The following SOCS2 variants were observed in gnomAD, a reference collection of about 807,000 sequenced individuals.
The protein encoded by SOCS2 is suppressor of cytokine signaling 2.
SOCS2 carries 10 observed loss-of-function variants against 18.6 expected under a neutral mutation model. The observed-to-expected ratio is 0.54, with a 90% CI of 0.33 to 0.91. The LOEUF is 0.91. Among genes scored for constraint, SOCS2 ranks in the 40% least tolerant of loss-of-function variants. The pLI, the probability that SOCS2 is intolerant of heterozygous loss-of-function variation, is 0.02. For synonymous variants in SOCS2, 104 were observed against 104.0 expected (o/e 1.00, Z 0.00); for missense variants, 231 against 247.2 (o/e 0.93, Z 0.44).
downstream of SOCS2, among the ~76,000 whole-genome samples, chr12:93,586,420 A>C (rs994122639): frequency 2.0e-5 from 3 of 152,228 alleles, no homozygotes; most frequent in African/African-American, 7.2e-5. Flanking sequence ...TTGTGTGATA[A>C]ATTGGGTACC....
downstream of SOCS2, among the ~76,000 whole-genome samples, chr12:93,577,658 A>G (rs1010379391): frequency 2.7e-5 from 4 of 149,606 alleles, no homozygotes; most frequent in African/African-American, 1.0e-4. Flanking sequence ...AACCAGATCA[A>G]CTGGAAAAGT....
chr12:93,605,160 A>G, the SOCS2 span, among the ~76,000 whole-genome samples: 1 of 152,220 alleles, frequency 6.6e-6, no homozygotes, highest in Non-Finnish European at 1.5e-5. Context: ...CAAAAAGCAC[A>G]GAGCACAGTA....
At chr12:93,584,736 C>A (rs570446730), downstream of SOCS2, among the ~76,000 whole-genome samples, 1 of 152,068 alleles carries the variant, frequency 6.6e-6, no homozygotes, top group East Asian at 1.9e-4. Flanking sequence ...TGGAAGAGTC[C>A]CTGACATCTG....
At chr12:93,582,773 T>C (rs552520211) in intron 1 of SOCS2, among the ~76,000 whole-genome samples, 28 of 152,242 alleles carry the variant, frequency 1.8e-4, no homozygotes, top group Non-Finnish European at 3.2e-4. Context: ...CTCTGTTATC[T>C]GTAAATTGAA....
chr12:93,576,462 C>G lies in SOCS2; in HGVS notation c.*1283C>G, dbSNP rs897648953. On this transcript the variant is annotated 3_prime_UTR_variant, in exon 2 of 2. Transcript: ENST00000551556. ...CTGATGTCCTCTGTGTTTCCAAAAA[C>G]ATGGTTTAGAAACTACAAACATTAT... 1 of 152,222 alleles carries G rather than the reference C, an allele frequency of 6.6e-6. No individual in the cohort carries two copies. The highest frequency in any genetic ancestry group is 2.4e-5 in the African/African-American group (1 of 41,462). 9.4% of individuals were successfully genotyped at this position (152,222 alleles called of 1,614,324 possible). A position where few individuals can be genotyped will look rare whatever the true frequency, so the allele number is the denominator to read the frequency against.
At chr12:93,586,320 T>A (rs1954584908), downstream of SOCS2, among the ~76,000 whole-genome samples, 2 of 152,270 alleles carry the variant, frequency 1.3e-5, no homozygotes, top group Admixed American at 1.3e-4. Flanking sequence ...CTTAATTGGC[T>A]ATATTTCAAT....
the SOCS2 span, among the ~76,000 whole-genome samples, chr12:93,606,094 C>T: frequency 1.3e-5 from 2 of 152,282 alleles, no homozygotes; most frequent in Non-Finnish European, 2.9e-5. Context: ...CCTAGAGTAT[C>T]GCCCTTTTAC....
At chr12:93,612,387 A>G in the SOCS2 span, among the ~76,000 whole-genome samples, 1 of 151,374 alleles carries the variant, frequency 6.6e-6, no homozygotes, top group Non-Finnish European at 1.5e-5. Flanking sequence ...TGATTACTTC[A>G]TGGCTGTCTT....
At chr12:93,600,601 A>G in the SOCS2 span, among the ~76,000 whole-genome samples, 2 of 152,102 alleles carry the variant, frequency 1.3e-5, no homozygotes, top group Non-Finnish European at 2.9e-5. Flanking sequence ...TCCATCCCAT[A>G]CATGAACATG....
chr12:93,597,695 C>A, the SOCS2 span, among the ~76,000 whole-genome samples: 1 of 152,194 alleles, frequency 6.6e-6, no homozygotes, highest in East Asian at 1.9e-4. Flanking sequence ...TGTAACAATA[C>A]TTATGTAATC....
the SOCS2 span, among the ~76,000 whole-genome samples, chr12:93,604,738 T>C: frequency 2.0e-5 from 3 of 152,104 alleles, no homozygotes; most frequent in African/African-American, 7.2e-5. Context: ...CAGCTCACTG[T>C]AGCTTTGACC....
upstream of SOCS2, chr12:93,571,802 C>T: frequency 2.4e-6 from 1 of 410,234 alleles, no homozygotes; most frequent in Non-Finnish European, 4.9e-6. Context: ...GCAGACGCCC[C>T]TCCTCTCCCG....
chr12:93,605,293 G>A, the SOCS2 span, among the ~76,000 whole-genome samples: 1 of 152,012 alleles, frequency 6.6e-6, no homozygotes, highest in Non-Finnish European at 1.5e-5. Context: ...ACGTATATAA[G>A]ATAAGAAATT....
chr12:93,614,939 A>T, the SOCS2 span, among the ~76,000 whole-genome samples: 17 of 117,962 alleles, frequency 1.4e-4, no homozygotes, highest in East Asian at 8.4e-4. Flanking sequence ...TTTTCTATTT[A>T]AAAAAAAAAA....
chr12:93,573,007 C>T lies in SOCS2; in HGVS notation c.110C>T (p.Ala37Val). 1 of 1,569,616 alleles carries T rather than the reference C, an allele frequency of 6.4e-7. No homozygotes were observed. Among genetic ancestry groups the T allele is most frequent in the Non-Finnish European group, 8.6e-7 (1 of 1,160,472 alleles). The change falls in exon 1 of 2, where the codon GCG (alanine) becomes GTG (valine). Residue 37 changes from alanine to valine, a missense_variant. Coordinates refer to ENST00000551556, the MANE Select transcript of SOCS2 (RefSeq NM_001270471.2). ...CCATCCCCGCAGGCGGCGCGTCTGGCGAAGGCCCTGCGGGAGCTCGGTCAG... is the reference window on the plus strand; with the variant it reads ...CCATCCCCGCAGGCGGCGCGTCTGGTGAAGGCCCTGCGGGAGCTCGGTCAG... ...EEPSPQAARL[A>V]KALRELGQTG...
chr12:93,615,323 T>G, the SOCS2 span, among the ~76,000 whole-genome samples: 5 of 152,336 alleles, frequency 3.3e-5, no homozygotes, highest in South Asian at 1.0e-3. Context: ...GTTGAGTTTA[T>G]CAATGAATAG....
At chr12:93,614,434 C>CCTTT in the SOCS2 span, among the ~76,000 whole-genome samples, 27 of 33,342 alleles carry the variant, frequency 8.1e-4, 1 homozygote, top group Middle Eastern at 0.027. Context: ...TCTTTCCCTT[C>CCTTT]CTTCCTTCCT....
chr12:93,600,183 T>A, the SOCS2 span, among the ~76,000 whole-genome samples: 3 of 152,186 alleles, frequency 2.0e-5, no homozygotes, highest in African/African-American at 7.2e-5. Flanking sequence ...TTAAAAAAAA[T>A]TATTTTTCTT....
At chr12:93,621,017 G>C in the SOCS2 span, among the ~76,000 whole-genome samples, 1 of 152,136 alleles carries the variant, frequency 6.6e-6, no homozygotes, top group Non-Finnish European at 1.5e-5. Flanking sequence ...AGTCATGATG[G>C]GAGGTTGGTG....
Sources: gnomAD v4.1 joint callset for allele counts (sites outside exome capture counted in the v4.1 genomes callset) on GRCh38, gnomAD v4.1.1 for gene constraint, MANE v1.5 for transcripts, NCBI Gene and HGNC (gene_info 2026-07-23, HGNC 2026-07-21) for gene names.